Variants in RGS12 observed in about 807,000 individuals in gnomAD.
The protein encoded by RGS12 is regulator of G protein signaling 12.
RGS12 carries 66 observed loss-of-function variants against 120.1 expected under a neutral mutation model. The observed-to-expected ratio is 0.55, with a 90% CI of 0.45 to 0.67. RGS12 has a LOEUF of 0.67. Among genes scored for constraint, RGS12 ranks in the 30% least tolerant of loss-of-function variants. The probability of loss-of-function intolerance (pLI) is 0.00; values close to 1 mark genes in which losing one functional copy is unlikely to be tolerated. For synonymous variants in RGS12, 827 were observed against 804.7 expected (o/e 1.03, Z -0.47); for missense variants, 1,859 against 1,957.7 (o/e 0.95, Z 0.95).
rs765745230 is a variant in RGS12 at position 3,417,032 on chromosome 4, C to A, written c.2547C>A (p.Ser849Arg). 2.5e-6 allele frequency: 4 copies of A among 1,613,218 alleles called. No individual in the cohort carries two copies. Among genetic ancestry groups the A allele is most frequent in the Non-Finnish European group, 3.4e-6 (4 of 1,179,754 alleles). ...RALPDSQQVPSSPASKHSLGS... is the reference protein window; with the variant it reads ...RALPDSQQVPRSPASKHSLGS... ...TCCCGGACTCGCAGCAGGTCCCCAG[C>A]AGCCCGGCTTCCAAGCACAGCCTCG... The change falls in exon 8 of 18, where the codon AGC becomes AGA. Residue 849 changes from serine (S) to arginine (R), a missense_variant. Physicochemically the swap from Ser to Arg is moderately radical, Grantham distance 110. Transcript: ENST00000336727.
chr4:3,439,263 T>C (rs2109282169), intron 17 of RGS12, among the ~76,000 whole-genome samples, 192 bp from the exon 18 acceptor site: 1 of 152,148 alleles, frequency 6.6e-6, no homozygotes, highest in South Asian at 2.1e-4. Context: ...CTGGGAACAC[T>C]GCACCTCCCC....
chr4:3,422,910 G>T lies in RGS12; in HGVS notation c.3039G>T (p.Leu1013=). ...CTGGTCTCTCTGTTCCTCAGCCTCT[G>T]GTGCTGCACCAAGACAGTAGCATCT... ...DLFLVGGDKP[L]VLHQDSSILE... is the part of the protein sequence containing the mutation. The change falls in exon 12 of 18, where the codon CTG becomes CTT. Residue 1013 remains leucine, a synonymous_variant. Transcript: ENST00000336727. 6.2e-7 allele frequency: 1 copy of T among 1,613,168 alleles called. No homozygotes were observed.
At chr4:3,373,837 C>G (rs1717327819) in intron 3 of RGS12, among the ~76,000 whole-genome samples, 1 of 152,256 alleles carries the variant, frequency 6.6e-6, no homozygotes, top group South Asian at 2.1e-4. Context: ...TTCTGACACT[C>G]TGAGTCTCGT....
intron 2 of RGS12, among the ~76,000 whole-genome samples, chr4:3,327,431 C>A: frequency 6.6e-6 from 1 of 152,144 alleles, no homozygotes; most frequent in East Asian, 1.9e-4. Context: ...CAAAATTGGA[C>A]AAGTGGGACT....
intron 13 of RGS12, among the ~76,000 whole-genome samples, chr4:3,424,295 G>C (rs1723369029): frequency 6.6e-6 from 1 of 152,260 alleles, no homozygotes; most frequent in Non-Finnish European, 1.5e-5. Flanking sequence ...ATGATTTCAA[G>C]TATTTTCAGG....
intron 4 of RGS12, among the ~76,000 whole-genome samples, chr4:3,411,039 G>A (rs866565860): frequency 1.4e-4 from 22 of 152,300 alleles, no homozygotes; most frequent in Middle Eastern, 3.4e-3. Flanking sequence ...TCTGGGCTTC[G>A]TGTCTTCCTT....
intron 9 of RGS12, 40 bp from the exon 10 acceptor site, chr4:3,420,602 G>C: frequency 6.2e-7 from 1 of 1,601,238 alleles, no homozygotes; most frequent in South Asian, 1.1e-5. Flanking sequence ...GAATAAACAG[G>C]GTTCTGATTG....
upstream of RGS12, among the ~76,000 whole-genome samples, chr4:3,290,091 G>GT (rs1404995157): frequency 6.6e-6 from 1 of 152,294 alleles, no homozygotes; most frequent in African/African-American, 2.4e-5. Flanking sequence ...CCCGGCTATT[G>GT]TGAGTGGTGC....
intron 4 of RGS12, among the ~76,000 whole-genome samples, chr4:3,397,787 A>T (rs113480437): frequency 6.6e-6 from 1 of 152,258 alleles, no homozygotes; most frequent in South Asian, 2.1e-4. Context: ...CAGCGTTTCA[A>T]TGAAACTCAT....
At chr4:3,384,434 G>T (rs879855011) in intron 3 of RGS12, among the ~76,000 whole-genome samples, 5 of 152,232 alleles carry the variant, frequency 3.3e-5, no homozygotes, top group African/African-American at 4.8e-5. Flanking sequence ...GATTACAGGT[G>T]TGAGCCACTG....
chr4:3,325,860 C>G (rs1183128700), intron 2 of RGS12, among the ~76,000 whole-genome samples: 1 of 152,108 alleles, frequency 6.6e-6, no homozygotes, highest in African/African-American at 2.4e-5. Context: ...GCCAGGGATG[C>G]AAGGATGGTT....
At chr4:3,320,988 CCATGGTGT>C (rs1209978180) in intron 2 of RGS12, among the ~76,000 whole-genome samples, 1 of 152,118 alleles carries the variant, frequency 6.6e-6, no homozygotes, top group African/African-American at 2.4e-5. Flanking sequence ...CTGGAGGGTG[CCATGGTGT>C]CAGGCAGCGA....
chr4:3,351,758 C>T (rs748821395), intron 3 of RGS12, among the ~76,000 whole-genome samples: 33 of 152,136 alleles, frequency 2.2e-4, no homozygotes, highest in Non-Finnish European at 2.9e-4. Flanking sequence ...CACACGAGAA[C>T]GGACCACAGT....
intron 4 of RGS12, among the ~76,000 whole-genome samples, chr4:3,386,856 A>C (rs1718908332): frequency 6.6e-6 from 1 of 152,246 alleles, no homozygotes; most frequent in Non-Finnish European, 1.5e-5. Flanking sequence ...GAATTTTCTC[A>C]AGAAAAGTAT....
chr4:3,327,865 G>A (rs1725666678), intron 2 of RGS12, among the ~76,000 whole-genome samples: 1 of 152,180 alleles, frequency 6.6e-6, no homozygotes, highest in Non-Finnish European at 1.5e-5. Flanking sequence ...TACCATTTGA[G>A]CCAGCAATCC....
At chr4:3,302,207 C>T (rs1297707476) in intron 1 of RGS12, among the ~76,000 whole-genome samples, 3 of 152,162 alleles carry the variant, frequency 2.0e-5, no homozygotes, top group Non-Finnish European at 2.9e-5. Flanking sequence ...CTGTGGCGCA[C>T]GGGGGTATCC....
chr4:3,316,207 C>A lies in RGS12; in HGVS notation c.37C>A (p.Pro13Thr). ...RAGEASKRPL[P>T]GPSPPRVRSV... ...TGGGGAGGCCTCCAAACGCCCATTG[C>A]CTGGGCCGTCGCCCCCAAGGGTGCG... The change falls in exon 2 of 18, where the codon CCT becomes ACT. Residue 13 changes from proline to threonine, a missense_variant. Transcript: ENST00000336727. 1 of 1,593,054 alleles carries A rather than the reference C, an allele frequency of 6.3e-7. No individual in the cohort carries two copies. Among genetic ancestry groups the A allele is most frequent in the Non-Finnish European group, 8.6e-7 (1 of 1,168,030 alleles).
chr4:3,378,604 C>A (rs1225414863), intron 3 of RGS12: 2 of 152,270 alleles, frequency 1.3e-5, no homozygotes, highest in South Asian at 2.1e-4. Context: ...GGCAAAGAGC[C>A]ATAGTAGACA....
intron 4 of RGS12, among the ~76,000 whole-genome samples, chr4:3,391,689 G>T (rs1449562645): frequency 6.6e-6 from 1 of 152,182 alleles, no homozygotes; most frequent in Non-Finnish European, 1.5e-5. Context: ...CTGTTTGGTG[G>T]TCTGGAGGCC....
Sources: allele counts gnomAD v4.1 joint callset (sites outside exome capture counted in the v4.1 genomes callset), GRCh38; gene constraint gnomAD v4.1.1; transcripts MANE v1.5; gene names NCBI Gene and HGNC (gene_info 2026-07-23, HGNC 2026-07-21).